The following SLC9A9 variants were observed in gnomAD, a reference collection of about 807,000 sequenced individuals.
SLC9A9 encodes solute carrier family 9 member A9.
A neutral mutation model predicts 77.8 loss-of-function variants in SLC9A9; 62 were observed. That is an observed-to-expected ratio of 0.80 (90% CI 0.65 to 0.98). The LOEUF (loss-of-function observed/expected upper bound fraction) is 0.98. Ranked by LOEUF, SLC9A9 falls within the 50% of genes least tolerant of loss-of-function variation. The pLI, the probability that SLC9A9 is intolerant of heterozygous loss-of-function variation, is 0.00. For synonymous variants in SLC9A9, 320 were observed against 283.5 expected (o/e 1.13, Z -1.29); for missense variants, 775 against 774.9 (o/e 1.00, Z 0.00).
At chr3:143,669,417 T>C (rs2039124426) in intron 5 of SLC9A9, among the ~76,000 whole-genome samples, 1 of 152,172 alleles carries the variant, frequency 6.6e-6, no homozygotes. Context: ...CCACAGCTGT[T>C]TCCCAGCTGT....
intron 12 of SLC9A9, among the ~76,000 whole-genome samples, chr3:143,465,382 T>C (rs1238344294): frequency 2.0e-5 from 3 of 152,254 alleles, no homozygotes; most frequent in South Asian, 2.1e-4. Flanking sequence ...TGACACCTAT[T>C]TGAAGTCAGT....
chr3:143,613,462 A>G (rs1434604654), intron 6 of SLC9A9, among the ~76,000 whole-genome samples: 2 of 152,192 alleles, frequency 1.3e-5, no homozygotes, highest in Admixed American at 6.5e-5. Flanking sequence ...TATGACCACA[A>G]AATCTTCCAG....
chr3:143,643,654 C>CT (rs1367951412), intron 6 of SLC9A9, among the ~76,000 whole-genome samples: 1 of 152,136 alleles, frequency 6.6e-6, no homozygotes, highest in Non-Finnish European at 1.5e-5. Context: ...GTAATGTTCG[C>CT]TTTTTAAAAT....
chr3:143,355,738 C>T (rs973201276), intron 14 of SLC9A9, among the ~76,000 whole-genome samples: 1 of 152,048 alleles, frequency 6.6e-6, no homozygotes, highest in Non-Finnish European at 1.5e-5. Flanking sequence ...CAGGATGGTG[C>T]CTGGCATGTG....
chr3:143,560,901 C>T (rs575784515), intron 8 of SLC9A9, among the ~76,000 whole-genome samples: 5 of 152,312 alleles, frequency 3.3e-5, no homozygotes, highest in Admixed American at 1.3e-4. Flanking sequence ...TGAGTTGAGG[C>T]CAAACGCGGT....
intron 4 of SLC9A9, among the ~76,000 whole-genome samples, chr3:143,737,596 C>G (rs1934973352): frequency 6.6e-6 from 1 of 151,990 alleles, no homozygotes; most frequent in Admixed American, 6.6e-5. Context: ...GCTCTATGTA[C>G]TTGGTTTGTA....
chr3:143,606,939 A>G (rs1559990628), intron 6 of SLC9A9, among the ~76,000 whole-genome samples: 1 of 152,090 alleles, frequency 6.6e-6, no homozygotes, highest in African/African-American at 2.4e-5. Context: ...TCTGAGTGGA[A>G]TAAGTAAAAT....
At chr3:143,620,725 T>A (rs1156260123) in intron 6 of SLC9A9, 3 of 152,674 alleles carry the variant, frequency 2.0e-5, no homozygotes, top group African/African-American at 7.2e-5. Context: ...CATTTCCAAC[T>A]GAGGTACTGG....
intron 14 of SLC9A9, among the ~76,000 whole-genome samples, chr3:143,311,984 A>G (rs572953645): frequency 6.6e-6 from 1 of 152,264 alleles, no homozygotes; most frequent in Non-Finnish European, 1.5e-5. Context: ...AGATAGAAAC[A>G]TTCTATTTGT....
chr3:143,566,545 T>G (rs961709261), intron 8 of SLC9A9, among the ~76,000 whole-genome samples: 1 of 152,142 alleles, frequency 6.6e-6, no homozygotes, highest in Non-Finnish European at 1.5e-5. Flanking sequence ...AATCAGGACT[T>G]CTTTTTCTTC....
chr3:143,394,164 G>C (rs2033640453), intron 12 of SLC9A9, among the ~76,000 whole-genome samples: 1 of 152,132 alleles, frequency 6.6e-6, no homozygotes, highest in Non-Finnish European at 1.5e-5. Context: ...GAGAATTTTA[G>C]ACCAATATCC....
chr3:143,584,493 G>C (rs1043148047), intron 6 of SLC9A9, among the ~76,000 whole-genome samples: 1 of 152,280 alleles, frequency 6.6e-6, no homozygotes, highest in East Asian at 1.9e-4. Context: ...TGAACATATT[G>C]TATCTCTTGC....
At chr3:143,838,845 G>A (rs986669070) in intron 1 of SLC9A9, among the ~76,000 whole-genome samples, 1 of 152,106 alleles carries the variant, frequency 6.6e-6, no homozygotes, top group Non-Finnish European at 1.5e-5. Flanking sequence ...CCAAATCAGT[G>A]AATAACATTT....
intron 4 of SLC9A9, among the ~76,000 whole-genome samples, chr3:143,790,971 G>C (rs73869159): frequency 8.3e-4 from 127 of 152,314 alleles, no homozygotes; most frequent in African/African-American, 3.0e-3. Flanking sequence ...AGAACAAAAT[G>C]TATGTGCTGA....
At chr3:143,575,699 G>A (rs1160193972) in intron 7 of SLC9A9, among the ~76,000 whole-genome samples, 1 of 152,108 alleles carries the variant, frequency 6.6e-6, no homozygotes, top group African/African-American at 2.4e-5. Context: ...TTGTTTTAAA[G>A]AGAATGTTCA....
chr3:143,467,313 T>C (rs1195952028), intron 11 of SLC9A9, 123 bp from the exon 12 acceptor site: 2 of 1,103,766 alleles, frequency 1.8e-6, no homozygotes, highest in South Asian at 2.9e-5. Context: ...TTGAGATAAT[T>C]ATAGATTCAT....
Position 143,316,162 on chromosome 3 carries a change from C to T in SLC9A9, c.1605-47182G>A, listed in dbSNP as rs182599086. On this transcript the variant is annotated intron_variant, in intron 14 of 15. Transcript: ENST00000316549. ...ACGGCCCAGGCAGAAACATTTCCCACATCTTTAGCCATTAGAAACCACCTG... is the reference window on the plus strand; with the variant it reads ...ACGGCCCAGGCAGAAACATTTCCCATATCTTTAGCCATTAGAAACCACCTG... Among the ~76,000 whole-genome samples, 10 of 152,318 alleles carry T rather than the reference C, an allele frequency of 6.6e-5. No individual in the cohort carries two copies. In the East Asian group the frequency reaches 1.7e-3, roughly 26 times the overall value.
At chr3:143,642,438 G>A (rs1446543146) in intron 6 of SLC9A9, among the ~76,000 whole-genome samples, 1 of 152,072 alleles carries the variant, frequency 6.6e-6, no homozygotes, top group African/African-American at 2.4e-5. Context: ...AACACTTGAG[G>A]CCTGGAGCTG....
chr3:143,811,828 C>G, intron 2 of SLC9A9: 1 of 382,084 alleles, frequency 2.6e-6, no homozygotes, highest in Non-Finnish European at 5.1e-6. Flanking sequence ...CATCACCACA[C>G]TCCAGGCTGG....
Sources: gnomAD v4.1 joint callset for allele counts (sites outside exome capture counted in the v4.1 genomes callset) on GRCh38, gnomAD v4.1.1 for gene constraint, MANE v1.5 for transcripts, NCBI Gene and HGNC (gene_info 2026-07-23, HGNC 2026-07-21) for gene names.